Variants in THSD7B observed in about 807,000 individuals in gnomAD.
The protein encoded by THSD7B is thrombospondin type-1 domain-containing protein 7B.
A neutral mutation model predicts 213.6 loss-of-function variants in THSD7B; 138 were observed. That is an observed-to-expected ratio of 0.65 (90% CI 0.56 to 0.74). The LOEUF is 0.74. THSD7B is among the 30% of genes least tolerant of loss of function. THSD7B has a pLI of 0.00. For missense variants in THSD7B, 1,931 were observed against 1,991.5 expected (o/e 0.97, Z 0.58); for synonymous variants, 742 against 687.0 (o/e 1.08, Z -1.25).
At chr2:137,208,472 G>A (rs1681033282) in intron 7 of THSD7B, among the ~76,000 whole-genome samples, 2 of 151,984 alleles carry the variant, frequency 1.3e-5, no homozygotes, top group African/African-American at 4.8e-5. Context: ...CCCAGGAAAG[G>A]CCTACGCAAA....
Position 137,546,448 on chromosome 2 carries a change from A to ATC in THSD7B, c.3139-16772_3139-16771insCT, listed in dbSNP as rs1680732261. ...ATTATATATATATTATATATATTAT[A>ATC]TATATATTATATATAATATATATAT... On this transcript the variant is annotated intron_variant, in intron 15 of 27. Transcript: ENST00000409968. Among the ~76,000 whole-genome samples, 16 of 27,686 alleles carry ATC rather than the reference A, an allele frequency of 5.8e-4. 3 individuals are homozygous for ATC. Among genetic ancestry groups the ATC allele is most frequent in the African/African-American group, 4.2e-3 (14 of 3,348 alleles). The allele number at this position is 27,686 out of a possible 152,430, so 18.2% of individuals were successfully genotyped here. A position where few individuals can be genotyped will look rare whatever the true frequency, so the allele number is the denominator to read the frequency against.
At chr2:137,587,155 C>T (rs989821311) in intron 17 of THSD7B, among the ~76,000 whole-genome samples, 12 of 152,320 alleles carry the variant, frequency 7.9e-5, no homozygotes, top group African/African-American at 1.9e-4. Context: ...GCATTTGTCA[C>T]GTAGTTCTCG....
At chr2:137,055,061 T>C (rs1483638932) in intron 2 of THSD7B, among the ~76,000 whole-genome samples, 2 of 152,226 alleles carry the variant, frequency 1.3e-5, no homozygotes, top group Admixed American at 1.3e-4. Context: ...GTTCGTTTGC[T>C]GAGGATGATG....
intron 15 of THSD7B, among the ~76,000 whole-genome samples, chr2:137,526,409 T>C (rs945199997): frequency 6.6e-6 from 1 of 151,804 alleles, no homozygotes; most frequent in African/African-American, 2.4e-5. Context: ...TTGTTGTTGT[T>C]GTTGTTGTTG....
chr2:137,183,638 A>G (rs1680497696), intron 7 of THSD7B, among the ~76,000 whole-genome samples: 1 of 152,104 alleles, frequency 6.6e-6, no homozygotes, highest in Non-Finnish European at 1.5e-5. Flanking sequence ...AAATCCTGGC[A>G]TATCCCTCTG....
intron 2 of THSD7B, among the ~76,000 whole-genome samples, chr2:136,999,225 A>G (rs140500598): frequency 7.9e-5 from 12 of 152,302 alleles, no homozygotes; most frequent in African/African-American, 2.4e-4. Context: ...TTCTGGCACA[A>G]TAGAGATAGC....
chr2:137,040,080 G>T (rs1490516420), intron 2 of THSD7B, among the ~76,000 whole-genome samples: 2 of 152,108 alleles, frequency 1.3e-5, no homozygotes, highest in Admixed American at 1.3e-4. Flanking sequence ...TACAGCAAAA[G>T]GTTTGGCAGC....
intron 12 of THSD7B, among the ~76,000 whole-genome samples, chr2:137,293,754 G>C (rs72975636): frequency 0.051 from 7,702 of 152,038 alleles, 468 homozygotes; most frequent in African/African-American, 0.14. Flanking sequence ...CTATTCTCCT[G>C]TCTCCCTTCT....
intron 2 of THSD7B, among the ~76,000 whole-genome samples, chr2:136,935,961 T>C (rs1684719144): frequency 6.8e-6 from 1 of 147,986 alleles, no homozygotes; most frequent in Admixed American, 6.8e-5. Context: ...TTCTAGAGAA[T>C]ATTCTAAATA....
intron 12 of THSD7B, among the ~76,000 whole-genome samples, chr2:137,368,122 A>G (rs1438295051): frequency 6.6e-6 from 1 of 152,088 alleles, no homozygotes; most frequent in Non-Finnish European, 1.5e-5. Flanking sequence ...GTATCTGAAG[A>G]TTATGCAAAG....
At chr2:136,958,173 T>C (rs779472652) in intron 2 of THSD7B, among the ~76,000 whole-genome samples, 1 of 152,136 alleles carries the variant, frequency 6.6e-6, no homozygotes, top group Non-Finnish European at 1.5e-5. Flanking sequence ...TTGAAGCTTA[T>C]CAAAATGCAA....
At chr2:137,540,769 T>TATA (rs768983564) in intron 15 of THSD7B, among the ~76,000 whole-genome samples, 1 of 151,692 alleles carries the variant, frequency 6.6e-6, no homozygotes, top group Non-Finnish European at 1.5e-5. Flanking sequence ...TGAGATGGTA[T>TATA]ATAACAGTTA....
At chr2:137,602,515 AC>A in intron 17 of THSD7B, among the ~76,000 whole-genome samples, 1 of 152,024 alleles carries the variant, frequency 6.6e-6, no homozygotes, top group Admixed American at 6.6e-5. Context: ...TGATCCACCC[AC>A]CTTCGCCTCC....
chr2:137,502,502 A>C (rs1679734456), intron 15 of THSD7B, among the ~76,000 whole-genome samples: 1 of 152,134 alleles, frequency 6.6e-6, no homozygotes, highest in Non-Finnish European at 1.5e-5. Context: ...CTCAAGGGTG[A>C]AATGAATACA....
intron 5 of THSD7B, among the ~76,000 whole-genome samples, chr2:137,148,003 A>G (rs1479645364): frequency 1.3e-5 from 2 of 151,956 alleles, no homozygotes; most frequent in Non-Finnish European, 2.9e-5. Flanking sequence ...TAGGTGCTTG[A>G]TATGGTTTAG....
chr2:137,248,731 T>C, intron 10 of THSD7B, among the ~76,000 whole-genome samples: 1 of 152,192 alleles, frequency 6.6e-6, no homozygotes, highest in South Asian at 2.1e-4. Context: ...GGGTCTGCTG[T>C]GTTTGAGTAA....
intron 15 of THSD7B, among the ~76,000 whole-genome samples, chr2:137,528,054 C>T (rs914889651): frequency 1.2e-4 from 18 of 152,190 alleles, no homozygotes; most frequent in Middle Eastern, 3.4e-3. Context: ...ATAGAAATAA[C>T]ATTGATACAC....
intron 1 of THSD7B, among the ~76,000 whole-genome samples, chr2:136,846,177 C>T (rs890190017): frequency 1.6e-4 from 24 of 152,106 alleles, no homozygotes; most frequent in South Asian, 8.3e-4. Flanking sequence ...TTGCATTTTC[C>T]ATGGCAACAT....
chr2:136,933,860 C>T (rs1208784085), intron 2 of THSD7B, among the ~76,000 whole-genome samples: 6 of 152,158 alleles, frequency 3.9e-5, no homozygotes, highest in African/African-American at 1.4e-4. Context: ...ATTCTACTGA[C>T]CCAGAGTGGC....
Sources: gnomAD v4.1 joint callset for allele counts (sites outside exome capture counted in the v4.1 genomes callset) on GRCh38, gnomAD v4.1.1 for gene constraint, MANE v1.5 for transcripts, NCBI Gene and HGNC (gene_info 2026-07-23, HGNC 2026-07-21) for gene names.